Variants in RBM26 observed in about 807,000 individuals in gnomAD.
RBM26 encodes the protein RNA-binding protein 26.
RBM26 carries 30 observed loss-of-function variants against 123.6 expected under a neutral mutation model. The ratio of observed to expected loss-of-function variants is 0.24; its 90% CI spans 0.18 to 0.33. RBM26 has a LOEUF of 0.33. Ranked by LOEUF, RBM26 falls within the 10% of genes least tolerant of loss-of-function variation. The pLI, the probability that RBM26 is intolerant of heterozygous loss-of-function variation, is 1.00. For synonymous variants in RBM26, 400 were observed against 404.4 expected, an observed-to-expected ratio of 0.99 and a Z score of 0.13; for missense variants, 947 against 1,203.6, an observed-to-expected ratio of 0.79 and a Z score of 3.15.
intron 9 of RBM26, among the ~76,000 whole-genome samples, chr13:79,363,712 C>G (rs1046328024): frequency 6.6e-6 from 1 of 152,100 alleles, no homozygotes; most frequent in African/African-American, 2.4e-5. Context: ...CCAACTTGTA[C>G]ATGGTAAGAT....
chr13:79,371,304 A>C, intron 4 of RBM26, 142 bp from the exon 5 acceptor site: 1 of 670,088 alleles, frequency 1.5e-6, no homozygotes. Context: ...TGAGCTTAAT[A>C]TTCAGTACTT....
chr13:79,349,625 AG>A (rs548381060), intron 14 of RBM26, among the ~76,000 whole-genome samples: 21 of 152,266 alleles, frequency 1.4e-4, no homozygotes, highest in African/African-American at 3.8e-4. Flanking sequence ...AATAATCCTG[AG>A]AGGCCACTGA....
intron 1 of RBM26, among the ~76,000 whole-genome samples, chr13:79,394,609 G>GC (rs2078394659): frequency 6.6e-6 from 1 of 152,066 alleles, no homozygotes; most frequent in South Asian, 2.1e-4. Flanking sequence ...AGGAAGTCCA[G>GC]CCCCCTTGTA....
At chr13:79,389,437 T>C (rs2077749330) in intron 1 of RBM26, 1 of 152,012 alleles carries the variant, frequency 6.6e-6, no homozygotes. Context: ...AGTTGCGTTG[T>C]TAAAGAAAAA....
chr13:79,379,368 T>C (rs1181741508), intron 1 of RBM26, among the ~76,000 whole-genome samples: 2 of 70,872 alleles, frequency 2.8e-5, no homozygotes, highest in Non-Finnish European at 5.0e-5. Flanking sequence ...ACCCAGTCTC[T>C]ACCAAAAAAA....
chr13:79,318,213 C>G (rs2067325314), downstream of RBM26, among the ~76,000 whole-genome samples: 1 of 150,810 alleles, frequency 6.6e-6, no homozygotes, highest in South Asian at 2.1e-4. Flanking sequence ...TCATGTTCCA[C>G]TCCATCAATA....
intron 3 of RBM26, among the ~76,000 whole-genome samples, chr13:79,374,255 G>A (rs141056379): frequency 3.9e-5 from 6 of 152,230 alleles, no homozygotes; most frequent in Non-Finnish European, 8.8e-5. Context: ...GATCACTTGA[G>A]GTCAGCAGTT....
intron 1 of RBM26, among the ~76,000 whole-genome samples, chr13:79,389,318 C>A (rs1010727115): frequency 6.6e-6 from 1 of 152,154 alleles, no homozygotes; most frequent in Non-Finnish European, 1.5e-5. Context: ...CCAACAGCAG[C>A]ATTAGCTGAC....
At position 79,366,151 on chromosome 13, in the gene RBM26, C is replaced by T. The variant is rs1277014839; in HGVS notation, c.1180G>A (p.Ala394Thr). The T allele has an allele frequency of 1.9e-6, 3 of 1,613,682 alleles. No individual in the cohort carries two copies. The highest frequency in any genetic ancestry group is 1.3e-5 in the African/African-American group (1 of 74,922). ...LPPLQPSGMD[A>T]PPNSATSSVP... ...GAACTGGTTGCAGAGTTTGGAGGAGCATCCATGCCAGATGGCTGCAAAGGA... is the reference window on the plus strand; with the variant it reads ...GAACTGGTTGCAGAGTTTGGAGGAGTATCCATGCCAGATGGCTGCAAAGGA... The change falls in exon 8 of 22, where the codon GCT (alanine) becomes ACT (threonine). Residue 394 changes from alanine to threonine, a missense_variant. Ala to Thr is a moderately conservative substitution (Grantham distance 58, BLOSUM62 0). Transcript: ENST00000438737.
At chr13:79,377,691 C>T (rs1252780465) in intron 2 of RBM26, among the ~76,000 whole-genome samples, 176 bp from the exon 3 acceptor site, 2 of 152,100 alleles carry the variant, frequency 1.3e-5, no homozygotes, top group Admixed American at 1.3e-4. Flanking sequence ...CTTTGGGAGG[C>T]CAAGGCAGGT....
chr13:79,364,473 G>A (rs2075048402), intron 9 of RBM26, among the ~76,000 whole-genome samples: 1 of 152,156 alleles, frequency 6.6e-6, no homozygotes, highest in South Asian at 2.1e-4. Flanking sequence ...AGAAAAGACT[G>A]GAAAGAAAAT....
chr13:79,379,314 G>A (rs999758583), intron 1 of RBM26, among the ~76,000 whole-genome samples: 1 of 144,264 alleles, frequency 6.9e-6, no homozygotes, highest in African/African-American at 2.6e-5. Context: ...CGGGCAGATC[G>A]CTTGAGCCCA....
intron 5 of RBM26, 38 bp downstream of exon 5, chr13:79,370,907 A>G (rs1403318409): frequency 1.3e-6 from 2 of 1,568,876 alleles, no homozygotes; most frequent in African/African-American, 2.7e-5. Flanking sequence ...TTAAACATGG[A>G]GTTTTTCATA....
At chr13:79,349,827 A>G (rs9565493) in intron 14 of RBM26, among the ~76,000 whole-genome samples, 11,635 of 151,754 alleles carry the variant, frequency 0.077, 711 homozygotes, top group East Asian at 0.19. Context: ...CCTCCCAAGT[A>G]GCTGGGATTA....
intron 14 of RBM26, among the ~76,000 whole-genome samples, chr13:79,351,446 CAAGT>C (rs1321083762): frequency 1.3e-5 from 2 of 151,820 alleles, no homozygotes; most frequent in South Asian, 2.1e-4. Flanking sequence ...AAACCTAATC[CAAGT>C]AAGTATTTGA....
rs750117170 is a variant in RBM26, at chr13:79,342,683, C to T, written c.2408G>A (p.Ser803Asn). The T allele has an allele frequency of 6.2e-7, 1 of 1,607,058 alleles. No homozygotes were observed. Among genetic ancestry groups the T allele is most frequent in the Non-Finnish European group, 8.5e-7 (1 of 1,177,026 alleles). ...AASPGRCLPKSIKTKTQMQKE... is the reference protein window; with the variant it reads ...AASPGRCLPKNIKTKTQMQKE... The stretch of plus-strand genomic sequence containing the variant: ...AAATACCTGAGTCTTGGTTTTTATA[C>T]TTTTTGGAAGACAGCGTCCAGGAGA... The change falls in exon 17 of 22, where the codon AGT becomes AAT. Residue 803 changes from serine (S) to asparagine (N), a missense_variant. This residue lies in a region of RBM26 where 493 missense variants were observed against 563.1 expected (regional missense o/e 0.88). Transcript: ENST00000438737.
intron 1 of RBM26, among the ~76,000 whole-genome samples, chr13:79,400,624 C>A (rs894163554): frequency 3.3e-5 from 5 of 151,904 alleles, no homozygotes; most frequent in African/African-American, 1.2e-4. Flanking sequence ...GTCAATGTAA[C>A]AACACTGAAA....
chr13:79,340,651 G>T (rs1003357634), intron 18 of RBM26, among the ~76,000 whole-genome samples: 2 of 151,770 alleles, frequency 1.3e-5, no homozygotes, highest in Admixed American at 1.3e-4. Context: ...TTACAAGAAA[G>T]AAGTTTATTT....
intron 1 of RBM26, among the ~76,000 whole-genome samples, chr13:79,392,013 T>A (rs9318636): frequency 8.7e-6 from 1 of 115,068 alleles, no homozygotes; most frequent in East Asian, 2.3e-4. Context: ...AATTATATAT[T>A]ATACATTATT....
Sources: gnomAD v4.1 joint callset for allele counts (sites outside exome capture counted in the v4.1 genomes callset) on GRCh38, gnomAD v4.1.1 for gene constraint, gnomAD v4.1.1 regional missense constraint, MANE v1.5 for transcripts, NCBI Gene and HGNC (gene_info 2026-07-23, HGNC 2026-07-21) for gene names.